IGHMBP2: variants seen among roughly 807,000 people sequenced by gnomAD.
IGHMBP2 encodes the protein DNA-binding protein SMUBP-2.
Under a neutral mutation model 96.0 loss-of-function variants are expected in IGHMBP2, and 81 were observed. The ratio of observed to expected loss-of-function variants is 0.84; its 90% CI spans 0.71 to 1.01. IGHMBP2 has a LOEUF of 1.01. Ranked by LOEUF, IGHMBP2 falls within the 50% of genes least tolerant of loss-of-function variation. The probability of loss-of-function intolerance (pLI) is 0.00; values close to 1 mark genes in which losing one functional copy is unlikely to be tolerated. For synonymous variants in IGHMBP2, 557 were observed against 548.9 expected (o/e 1.01, Z -0.21); for missense variants, 1,227 against 1,306.3 (o/e 0.94, Z 0.94).
chr11:68,921,650 T>A (rs998969838), intron 7 of IGHMBP2, among the ~76,000 whole-genome samples: 1 of 152,238 alleles, frequency 6.6e-6, no homozygotes, highest in South Asian at 2.1e-4. Context: ...TGAATTATCT[T>A]TAAAGAGATC....
Position 68,903,968 on chromosome 11 carries a change from G to A in IGHMBP2, c.16G>A (p.Val6Met). The A allele has an allele frequency of 6.4e-7, 1 of 1,559,888 alleles. No homozygotes were observed. Among genetic ancestry groups the A allele is most frequent in the Non-Finnish European group, 8.7e-7 (1 of 1,152,106 alleles). Residue 6 changes from valine to methionine, a missense_variant, in exon 1 of 15, where the codon GTG becomes ATG. Physicochemically the swap from Val to Met is conservative, Grantham distance 21. This residue lies in a region of IGHMBP2 where 507 missense variants were observed against 496.9 expected (regional missense o/e 1.02). Transcript: ENST00000255078. ...GGCGGCGGCGATGGCCTCGGCAGCT[G>A]TGGAGAGCTTCGTGACCAAGCAACT... MASAA[V>M]ESFVTKQLDL...
chr11:68,922,252 G>T (rs1175607212), intron 7 of IGHMBP2, among the ~76,000 whole-genome samples: 1 of 151,860 alleles, frequency 6.6e-6, no homozygotes. Context: ...CGGAGGCGGA[G>T]ATTGCAGTGA....
Position 68,936,993 on chromosome 11 carries a change from T to C in IGHMBP2, c.2513T>C (p.Leu838Pro), listed in dbSNP as rs755843076. 1.2e-6 allele frequency: 2 copies of C among 1,609,276 alleles called. No homozygotes were observed. The highest frequency in any genetic ancestry group is 2.7e-5 in the African/African-American group (2 of 74,876). Residue 838 changes from leucine to proline, a missense_variant, in exon 13 of 15, where the codon CTG (leucine) becomes CCG (proline). Coordinates refer to ENST00000255078, the MANE Select transcript of IGHMBP2 (RefSeq NM_002180.3). Reference protein sequence around the residue: ...PDLRTLHLERLQRVRSAQGQP... With the variant: ...PDLRTLHLERPQRVRSAQGQP... ...CTGAGGACGCTGCACCTGGAGAGACTGCAGAGGGTCAGGAGCGCGCAGGGG... is the reference window on the plus strand; with the variant it reads ...CTGAGGACGCTGCACCTGGAGAGACCGCAGAGGGTCAGGAGCGCGCAGGGG...
chr11:68,933,449 A>G lies in IGHMBP2; in HGVS notation c.1386A>G (p.Thr462=), dbSNP rs1321342951. Residue 462 remains threonine (T), a synonymous_variant, in exon 9 of 15, where the codon ACA becomes ACG. Coordinates refer to ENST00000255078, the MANE Select transcript of IGHMBP2 (RefSeq NM_002180.3). ...ACACCATGTACCTTGGGCAGCTCACAGCCCACTCTTCCGTGGCAAGGCACC... is the reference window on the plus strand; with the variant it reads ...ACACCATGTACCTTGGGCAGCTCACGGCCCACTCTTCCGTGGCAAGGCACC... ...ASDTMYLGQL[T]AHSSVARHLL... is the part of the protein sequence containing the mutation. 33 of 1,613,022 alleles carry G rather than the reference A, an allele frequency of 2.0e-5. No individual in the cohort carries two copies. The highest frequency in any genetic ancestry group is 2.8e-5 in the Non-Finnish European group (33 of 1,179,870).
chr11:68,929,598 C>A, intron 8 of IGHMBP2: 1 of 384,638 alleles, frequency 2.6e-6, no homozygotes, highest in Non-Finnish European at 3.6e-6. Context: ...GGACACAGGG[C>A]CTGGCACGTT....
At chr11:68,923,403 A>G (rs527564086) in intron 7 of IGHMBP2, among the ~76,000 whole-genome samples, 190 of 152,124 alleles carry the variant, frequency 1.2e-3, no homozygotes, top group African/African-American at 4.4e-3. Context: ...AGGTTTCACC[A>G]TGTTGGCCAG....
intron 2 of IGHMBP2, among the ~76,000 whole-genome samples, chr11:68,907,857 T>G (rs575576256): frequency 5.9e-5 from 9 of 152,052 alleles, no homozygotes; most frequent in African/African-American, 2.2e-4. Context: ...GCCTGGCTAA[T>G]TTTTTGTATT....
At chr11:68,928,965 C>T (rs535510309) in intron 7 of IGHMBP2, among the ~76,000 whole-genome samples, 70 of 152,342 alleles carry the variant, frequency 4.6e-4, no homozygotes, top group African/African-American at 1.7e-3. Context: ...TCAGAGGGGC[C>T]TGTGGCCAGA....
intron 7 of IGHMBP2, among the ~76,000 whole-genome samples, chr11:68,918,123 A>C (rs1288864208): frequency 6.6e-6 from 1 of 152,208 alleles, no homozygotes; most frequent in Non-Finnish European, 1.5e-5. Flanking sequence ...ATGAGCTTGT[A>C]GCTTTCAAGA....
chr11:68,933,195 A>G, intron 8 of IGHMBP2, 104 bp from the exon 9 acceptor site: 1 of 1,168,882 alleles, frequency 8.6e-7, no homozygotes, highest in South Asian at 1.3e-5. Context: ...TCCAGGGGAG[A>G]GTTGGGTCCT....
chr11:68,911,737 A>G, intron 5 of IGHMBP2, 134 bp downstream of exon 5: 1 of 854,698 alleles, frequency 1.2e-6, no homozygotes, highest in Non-Finnish European at 1.9e-6. Flanking sequence ...TTATTGATTG[A>G]GCCTTGGACT....
At chr11:68,933,224 T>C (rs946518224) in intron 8 of IGHMBP2, 75 bp from the exon 9 acceptor site, 10 of 1,444,166 alleles carry the variant, frequency 6.9e-6, no homozygotes, top group Middle Eastern at 4.5e-4. Flanking sequence ...GGGCCTGTCC[T>C]CCTCACTTGC....
Position 68,936,936 on chromosome 11 carries a change from C to T in IGHMBP2, c.2456C>T (p.Pro819Leu), listed in dbSNP as rs200072932. ...PPTPAQTEQP[P>L]REQRGPDQPD... ...ACCCCTGCGCAGACAGAGCAGCCTCCCAGGGAGCAGCGTGGCCCAGACCAG... is the reference window on the plus strand; with the variant it reads ...ACCCCTGCGCAGACAGAGCAGCCTCTCAGGGAGCAGCGTGGCCCAGACCAG... Residue 819 changes from proline to leucine, a missense_variant, in exon 13 of 15, where the codon CCC becomes CTC. By Grantham distance (98) the Pro-to-Leu change is moderately conservative. Around this residue, in one of 3 missense-constraint regions of IGHMBP2, gnomAD observed 703 missense variants for 770.3 expected, o/e 0.91. Transcript: ENST00000255078. 3.7e-6 allele frequency: 6 copies of T among 1,604,092 alleles called. No homozygotes were observed. The African/African-American group carries it at 8.0e-5, about 21-fold the overall frequency.
intron 5 of IGHMBP2, among the ~76,000 whole-genome samples, chr11:68,912,605 G>A (rs1446765086): frequency 6.6e-6 from 1 of 151,798 alleles, no homozygotes; most frequent in Non-Finnish European, 1.5e-5. Flanking sequence ...AAAAATGTTG[G>A]ATAATGATGA....
In IGHMBP2 at chr11:68,934,519, A is replaced by G. The variant is rs1859449123; in HGVS notation, c.1593A>G (p.Pro531=). 6.2e-7 allele frequency: 1 copy of G among 1,612,954 alleles called. No individual in the cohort carries two copies. The highest frequency in any genetic ancestry group is 1.3e-5 in the African/African-American group (1 of 74,900). ...AGGCTCTGGTGGACGCTGGTGTTCC[A>G]GCCCGTGACATTGCTGTGGTCTCGC... ...HIQALVDAGV[P]ARDIAVVSPY... The change falls in exon 11 of 15, where the codon CCA becomes CCG. Residue 531 remains proline (P), a synonymous_variant. Coordinates refer to ENST00000255078, the MANE Select transcript of IGHMBP2 (RefSeq NM_002180.3).
In IGHMBP2 at chr11:68,929,505, A is replaced by G. The variant is rs79051613; in HGVS notation, c.1235+148A>G. 46,539 of 797,372 alleles carry G rather than the reference A, an allele frequency of 0.058. 1,829 individuals carry two copies. The highest frequency in any genetic ancestry group is 0.077 in the Middle Eastern group (219 of 2,834). The allele number at this position is 797,372 out of a possible 1,614,324, so 49.4% of individuals were successfully genotyped here. ...GCTCCTACCCCGTCTTACAGCATTC[A>G]TTCATCTCAACGTCGCATCTGTGAG... On this transcript the variant is annotated intron_variant, in intron 8 of 14. Coordinates refer to ENST00000255078, the MANE Select transcript of IGHMBP2 (RefSeq NM_002180.3).
chr11:68,919,710 G>T (rs911232751), intron 7 of IGHMBP2, among the ~76,000 whole-genome samples: 4 of 152,154 alleles, frequency 2.6e-5, no homozygotes, highest in Non-Finnish European at 5.9e-5. Context: ...TTTTCCTGCA[G>T]TTCTATTGGT....
Position 68,914,902 on chromosome 11 carries a change from G to T in IGHMBP2, c.791G>T (p.Arg264Leu), listed in dbSNP as rs777575504. The change falls in exon 6 of 15, where the codon CGC (arginine) becomes CTC (leucine). Residue 264 changes from arginine to leucine, a missense_variant. Transcript: ENST00000255078. Reference protein sequence around the residue: ...RLALCKQRILRLGHPARLLES... With the variant: ...RLALCKQRILLLGHPARLLES... ...GCTCTGTGTAAGCAGCGGATTCTGCGCCTGGGACACCCTGCCCGCCTCCTG... is the reference window on the plus strand; with the variant it reads ...GCTCTGTGTAAGCAGCGGATTCTGCTCCTGGGACACCCTGCCCGCCTCCTG... The T allele has an allele frequency of 3.1e-6, 5 of 1,614,084 alleles. No individual in the cohort carries two copies. The highest frequency in any genetic ancestry group is 2.2e-5 in the South Asian group (2 of 91,094).
intron 7 of IGHMBP2, 72 bp downstream of exon 7, chr11:68,917,955 C>T: frequency 1.3e-6 from 2 of 1,514,482 alleles, no homozygotes; most frequent in Non-Finnish European, 1.8e-6. Context: ...CTTCTGTTTT[C>T]TGGAAGAGTT....
Sources: gnomAD v4.1 joint callset for allele counts (sites outside exome capture counted in the v4.1 genomes callset) on GRCh38, gnomAD v4.1.1 for gene constraint, gnomAD v4.1.1 regional missense constraint, MANE v1.5 for transcripts, NCBI Gene and HGNC (gene_info 2026-07-23, HGNC 2026-07-21) for gene names.